Variants in MYO10 observed in about 807,000 individuals in gnomAD.
MYO10 encodes myosin X, also known as unconventional myosin-X.
Under a neutral mutation model 257.3 loss-of-function variants are expected in MYO10, and 133 were observed. The ratio of observed to expected loss-of-function variants is 0.52; its 90% confidence interval spans 0.45 to 0.60. The LOEUF (loss-of-function observed/expected upper bound fraction) is 0.60. Ranked by LOEUF, MYO10 falls within the 20% of genes least tolerant of loss-of-function variation. The pLI, the probability that MYO10 is intolerant of heterozygous loss-of-function variation, is 0.00. For synonymous variants in MYO10, 1,104 were observed against 1,028.6 expected (o/e 1.07, Z -1.40); for missense variants, 2,399 against 2,635.7 (o/e 0.91, Z 1.97).
chr5:16,890,605 C>T (rs1199002469), intron 1 of MYO10, among the ~76,000 whole-genome samples: 4 of 151,470 alleles, frequency 2.6e-5, no homozygotes, highest in South Asian at 4.2e-4. Flanking sequence ...TTTGGGAGGC[C>T]GGGGCAGGCA....
At chr5:16,761,901 C>T in intron 16 of MYO10, 144 bp downstream of exon 16, 1 of 810,364 alleles carries the variant, frequency 1.2e-6, no homozygotes, top group Non-Finnish European at 1.9e-6. Flanking sequence ...GATCCTCCTG[C>T]CTCAGCCTCC....
intron 19 of MYO10, among the ~76,000 whole-genome samples, chr5:16,738,752 G>A (rs569220834): frequency 2.5e-4 from 38 of 151,990 alleles, no homozygotes; most frequent in African/African-American, 8.0e-4. Context: ...TTAGCTGGGC[G>A]TGGTGGTGCA....
At position 16,843,099 on chromosome 5, in the gene MYO10, C is replaced by T. The variant is rs556656773; in HGVS notation, c.121-24932G>A. Among the ~76,000 whole-genome samples the T allele has an allele frequency of 1.2e-4, 18 of 152,142 alleles. No individual in the cohort carries two copies. In the South Asian group the frequency reaches 3.7e-3, roughly 32 times the overall value. ...TCCTGTTCCCCTTGTACTCGGCCCCCGACCACACATGCACCAGCCCATTCC... is the reference window on the plus strand; with the variant it reads ...TCCTGTTCCCCTTGTACTCGGCCCCTGACCACACATGCACCAGCCCATTCC... On this transcript the variant is annotated intron_variant, in intron 2 of 40. Transcript: ENST00000513610.
intron 3 of MYO10, among the ~76,000 whole-genome samples, chr5:16,798,243 G>A (rs1380451634): frequency 6.6e-6 from 1 of 152,128 alleles, no homozygotes; most frequent in Non-Finnish European, 1.5e-5. Flanking sequence ...GCAGCAGAAA[G>A]CATACTGAAA....
rs779282385 is a variant in MYO10, at chr5:16,711,126, G to C, written c.2049C>G (p.Tyr683Ter). The change falls in exon 20 of 41, where the codon TAC becomes TAG. Residue 683 changes from tyrosine to a stop codon, truncating the protein, a stop_gained. Transcript: ENST00000513610. LOFTEE classifies it high-confidence loss of function. ...YAVRRPFQDF[Y>*]KRYKVLMRNL... ...CCAATTCAGCTCCCTCTTGCCTTTTGTAAAAGTCCTGAAAGGGTCTTCGGA... is the reference window on the plus strand; with the variant it reads ...CCAATTCAGCTCCCTCTTGCCTTTTCTAAAAGTCCTGAAAGGGTCTTCGGA... 6 of 1,613,768 alleles carry C rather than the reference G, an allele frequency of 3.7e-6. No homozygotes were observed. The highest frequency in any genetic ancestry group is 5.1e-6 in the Non-Finnish European group (6 of 1,179,830).
rs1394251496 is a variant in MYO10, at chr5:16,783,479, A to C, written c.468-10T>G. ...TGCCCCACTTTCACCACTGAAAGAC[A>C]AAACGGAAAAGTTTGTGCTTCTAAC... On this transcript the variant is annotated splice_polypyrimidine_tract_variant and intron_variant, in intron 4 of 40. Transcript: ENST00000513610. 10 of 1,605,638 alleles carry C rather than the reference A, an allele frequency of 6.2e-6. No individual in the cohort carries two copies. The highest frequency in any genetic ancestry group is 8.5e-6 in the Non-Finnish European group (10 of 1,177,186).
intron 2 of MYO10, among the ~76,000 whole-genome samples, chr5:16,820,597 C>T (rs892702617): frequency 1.7e-4 from 26 of 152,196 alleles, no homozygotes; most frequent in African/African-American, 6.3e-4. Context: ...CTATCTCCCT[C>T]TCCAGCCCCT....
intron 9 of MYO10, among the ~76,000 whole-genome samples, chr5:16,775,318 C>T (rs1250784403): frequency 2.0e-5 from 3 of 152,024 alleles, no homozygotes; most frequent in Admixed American, 1.3e-4. Flanking sequence ...ATGTTTATTG[C>T]GACCAATGAT....
chr5:16,736,271 T>C (rs145277181), intron 19 of MYO10, among the ~76,000 whole-genome samples: 2 of 152,168 alleles, frequency 1.3e-5, no homozygotes, highest in Non-Finnish European at 2.9e-5. Flanking sequence ...TAATTGAGCA[T>C]GAGAAGGGAA....
chr5:16,724,549 G>A (rs898799341), intron 19 of MYO10, among the ~76,000 whole-genome samples: 1 of 151,066 alleles, frequency 6.6e-6, no homozygotes, highest in Non-Finnish European at 1.5e-5. Context: ...TGCCCAAAAC[G>A]CAGCTCGATA....
At chr5:16,764,168 G>A (rs1019224767) in intron 12 of MYO10, 82 bp downstream of exon 12, 1 of 1,465,760 alleles carries the variant, frequency 6.8e-7, no homozygotes, top group Non-Finnish European at 9.3e-7. Flanking sequence ...GAAAAAAAAA[G>A]AGTTTGCTCA....
chr5:16,891,301 G>A lies in MYO10; in HGVS notation c.22-13594C>T, dbSNP rs555810826. Among the ~76,000 whole-genome samples, 4 of 118,084 alleles carry A rather than the reference G, an allele frequency of 3.4e-5. No individual in the cohort carries two copies. The East Asian group carries it at 6.7e-4, about 20-fold the overall frequency. 77.5% of individuals were successfully genotyped at this position (118,084 alleles called of 152,430 possible). ...CAGAGTGAGACTCCGTCTTGAAAGA[G>A]AGAGAAAAGGAGAAGAGAAAAGGAA... On this transcript the variant is annotated intron_variant, in intron 1 of 40. Transcript: ENST00000513610.
chr5:16,725,182 G>A (rs1348365032), intron 19 of MYO10, among the ~76,000 whole-genome samples: 1 of 148,822 alleles, frequency 6.7e-6, no homozygotes, highest in Non-Finnish European at 1.5e-5. Flanking sequence ...AGCCTCCCGG[G>A]TTCAAGCGAT....
chr5:16,725,907 C>T (rs553672443), intron 19 of MYO10, among the ~76,000 whole-genome samples: 1 of 151,908 alleles, frequency 6.6e-6, no homozygotes, highest in East Asian at 2.0e-4. Flanking sequence ...CCTGCCTCAG[C>T]CTCCCAAGTA....
chr5:16,899,638 A>G (rs1288291328), intron 1 of MYO10, among the ~76,000 whole-genome samples: 1 of 151,562 alleles, frequency 6.6e-6, no homozygotes, highest in Non-Finnish European at 1.5e-5. Context: ...CAAAAAAAAA[A>G]AAAACAAAAA....
At chr5:16,685,623 CT>C in intron 29 of MYO10, 114 bp downstream of exon 29, 1 of 768,506 alleles carries the variant, frequency 1.3e-6, no homozygotes, top group Non-Finnish European at 2.1e-6. Context: ...CTATATTTAC[CT>C]TTTAAAAAAA....
intron 6 of MYO10, 63 bp downstream of exon 6, chr5:16,781,642 A>T: frequency 6.8e-7 from 1 of 1,468,450 alleles, no homozygotes; most frequent in Non-Finnish European, 9.3e-7. Context: ...CCTTATAATT[A>T]GTGAGAACAG....
intron 19 of MYO10, chr5:16,713,627 T>G (rs1738720956): frequency 2.0e-6 from 1 of 502,692 alleles, no homozygotes. Context: ...CCCTTCCCAG[T>G]AACTTAACCA....
intron 1 of MYO10, among the ~76,000 whole-genome samples, chr5:16,888,613 A>T (rs1360644174): frequency 6.6e-6 from 1 of 151,684 alleles, no homozygotes; most frequent in African/African-American, 2.4e-5. Flanking sequence ...AAAAAAAAAT[A>T]GCCAGAGATA....
Sources: gnomAD v4.1 joint callset for allele counts (sites outside exome capture counted in the v4.1 genomes callset) on GRCh38, gnomAD v4.1.1 for gene constraint, MANE v1.5 for transcripts, NCBI Gene and HGNC (gene_info 2026-07-23, HGNC 2026-07-21) for gene names.